The following GANC variants were observed in gnomAD, a reference collection of about 807,000 sequenced individuals.
The protein encoded by GANC is glucosidase alpha, neutral C.
In GANC, 117 loss-of-function variants were observed where a neutral mutation model predicts 124.2. The ratio of observed to expected loss-of-function variants is 0.94; its 90% CI spans 0.81 to 1.10. The LOEUF (loss-of-function observed/expected upper bound fraction) is 1.10, where lower values mean the gene tolerates loss of function less well. Ranked by LOEUF, GANC falls within the 50% of genes least tolerant of loss-of-function variation. The probability of loss-of-function intolerance (pLI) is 0.00; values close to 1 mark genes in which losing one functional copy is unlikely to be tolerated. For missense variants in GANC, 1,140 were observed against 1,095.0 expected (o/e 1.04, Z -0.58); for synonymous variants, 377 against 376.8 (o/e 1.00, Z -0.01).
At chr15:42,322,268 T>C (rs1379008451) in intron 11 of GANC, among the ~76,000 whole-genome samples, 1 of 152,204 alleles carries the variant, frequency 6.6e-6, no homozygotes, top group Non-Finnish European at 1.5e-5. Context: ...TCAGTTCCGT[T>C]TGTTGTGGCC....
chr15:42,353,468 C>A lies in GANC; in HGVS notation c.*1329C>A. The A allele has an allele frequency of 1.1e-6, 1 of 925,044 alleles. No homozygotes were observed. Among genetic ancestry groups the A allele is most frequent in the Non-Finnish European group, 1.3e-6 (1 of 775,178 alleles). 57.3% of individuals were successfully genotyped at this position (925,044 alleles called of 1,614,324 possible). Reference sequence around the variant, plus strand: ...TAATGCTGTCCCACTTATAACTGTGCTCTACTTAGCATTCTCAGGGATCAT... The same window carrying A: ...TAATGCTGTCCCACTTATAACTGTGATCTACTTAGCATTCTCAGGGATCAT... On this transcript the variant is annotated 3_prime_UTR_variant, in exon 24 of 24. Transcript: ENST00000318010.
intron 20 of GANC, among the ~76,000 whole-genome samples, chr15:42,347,356 G>A (rs945591951): frequency 1.3e-5 from 2 of 152,102 alleles, no homozygotes; most frequent in Non-Finnish European, 2.9e-5. Flanking sequence ...TCATTCTTGA[G>A]TCAGAGCAAA....
intron 3 of GANC, among the ~76,000 whole-genome samples, chr15:42,285,784 G>A (rs1042573530): frequency 4.6e-5 from 7 of 152,156 alleles, no homozygotes; most frequent in African/African-American, 7.2e-5. Context: ...GACCAAGCAA[G>A]ACTCCATCTC....
chr15:42,274,432 C>A lies in GANC; in HGVS notation c.-50C>A. 6.3e-7 allele frequency: 1 copy of A among 1,596,004 alleles called. No individual in the cohort carries two copies. The highest frequency in any genetic ancestry group is 2.2e-5 in the East Asian group (1 of 44,572). Reference sequence around the variant, plus strand: ...CAATCGGCTTTTTTAAAAGATCGCCCAGGGCCCTTGTCCTGAGAGCTGGGA... The same window carrying A: ...CAATCGGCTTTTTTAAAAGATCGCCAAGGGCCCTTGTCCTGAGAGCTGGGA... On this transcript the variant is annotated 5_prime_UTR_variant, in exon 1 of 24. Coordinates refer to ENST00000318010, the MANE Select transcript of GANC (RefSeq NM_198141.3).
At chr15:42,287,050 A>G (rs1224316156) in intron 3 of GANC, among the ~76,000 whole-genome samples, 1 of 152,176 alleles carries the variant, frequency 6.6e-6, no homozygotes, top group Non-Finnish European at 1.5e-5. Flanking sequence ...TATTATCTTC[A>G]TGATTCTACA....
At chr15:42,296,416 C>T (rs1253856961) in intron 5 of GANC, among the ~76,000 whole-genome samples, 1 of 152,022 alleles carries the variant, frequency 6.6e-6, no homozygotes, top group African/African-American at 2.4e-5. Flanking sequence ...GACGGAATTT[C>T]ACTCTTGTTG....
At chr15:42,334,782 G>C (rs2052271527) in intron 15 of GANC, among the ~76,000 whole-genome samples, 1 of 150,816 alleles carries the variant, frequency 6.6e-6, no homozygotes, top group African/African-American at 2.4e-5. Context: ...TAACAAAATA[G>C]ATAGACTGCT....
intron 22 of GANC, among the ~76,000 whole-genome samples, chr15:42,350,805 G>A (rs956275413): frequency 2.0e-4 from 30 of 148,676 alleles, no homozygotes; most frequent in African/African-American, 6.6e-4. Flanking sequence ...ATCCGCCCAC[G>A]TTGGCCTCCC....
In GANC at chr15:42,326,379, G is replaced by T. The variant is rs2052198774; in HGVS notation, c.1375G>T (p.Val459Leu). ...GAAGGCCAAAGATCAGGGCTTCTTTGTGAAGAATCAGGAAGGGGAAGACTT... is the reference window on the plus strand; with the variant it reads ...GAAGGCCAAAGATCAGGGCTTCTTTTTGAAGAATCAGGAAGGGGAAGACTT... ...YVKAKDQGFFVKNQEGEDFEG... is the reference protein window; with the variant it reads ...YVKAKDQGFFLKNQEGEDFEG... The change falls in exon 12 of 24, where the codon GTG (valine) becomes TTG (leucine). Residue 459 changes from valine to leucine, a missense_variant. Coordinates refer to ENST00000318010, the MANE Select transcript of GANC (RefSeq NM_198141.3). The T allele has an allele frequency of 1.9e-6, 3 of 1,614,006 alleles. No homozygotes were observed. Among genetic ancestry groups the T allele is most frequent in the Non-Finnish European group, 2.5e-6 (3 of 1,179,990 alleles).
intron 10 of GANC, chr15:42,314,605 A>G (rs896154717): frequency 1.0e-4 from 16 of 158,530 alleles, no homozygotes; most frequent in Admixed American, 1.9e-4. Flanking sequence ...TAATAAGGGT[A>G]TCAGACTGAT....
At chr15:42,346,160 G>GTTAA (rs777583362) in intron 20 of GANC, among the ~76,000 whole-genome samples, 2 of 152,112 alleles carry the variant, frequency 1.3e-5, no homozygotes, top group Non-Finnish European at 2.9e-5. Flanking sequence ...TTTAACCTTA[G>GTTAA]TTAACTCCAT....
At chr15:42,311,864 G>A (rs367998852) in intron 10 of GANC, among the ~76,000 whole-genome samples, 1 of 150,714 alleles carries the variant, frequency 6.6e-6, no homozygotes, top group Non-Finnish European at 1.5e-5. Flanking sequence ...AAAAAAATTA[G>A]TTCTGTTTCT....
At chr15:42,349,642 C>A in intron 22 of GANC, 147 bp downstream of exon 22, 1 of 603,066 alleles carries the variant, frequency 1.7e-6, no homozygotes, top group Non-Finnish European at 2.9e-6. Context: ...TTTTTCTTTT[C>A]TTTTCTTTTC....
chr15:42,273,415 T>G lies in GANC; in HGVS notation c.-1067T>G. The G allele has an allele frequency of 6.2e-7, 1 of 1,613,378 alleles. No homozygotes were observed. Among genetic ancestry groups the G allele is most frequent in the Non-Finnish European group, 8.5e-7 (1 of 1,179,840 alleles). ...CGCCGCCATCTTCACAGCCGTGGAGTGCCTACCGAAAGCATTTCACCCTCT... is the reference window on the plus strand; with the variant it reads ...CGCCGCCATCTTCACAGCCGTGGAGGGCCTACCGAAAGCATTTCACCCTCT... On this transcript the variant is annotated 5_prime_UTR_variant, in exon 1 of 24. Transcript: ENST00000318010.
intron 11 of GANC, among the ~76,000 whole-genome samples, chr15:42,322,998 A>G (rs907252399): frequency 6.6e-6 from 1 of 152,204 alleles, no homozygotes; most frequent in African/African-American, 2.4e-5. Context: ...GCCAGAGCCC[A>G]TCCAGTTAAC....
chr15:42,321,738 T>C (rs2052158929), intron 10 of GANC, 47 bp from the exon 11 acceptor site: 4 of 1,465,690 alleles, frequency 2.7e-6, no homozygotes, highest in South Asian at 1.1e-5. Context: ...AAATGAATAA[T>C]GGTCATTGCC....
chr15:42,342,539 A>C (rs1403424632), intron 18 of GANC, among the ~76,000 whole-genome samples: 2 of 151,968 alleles, frequency 1.3e-5, no homozygotes, highest in African/African-American at 4.8e-5. Flanking sequence ...CTGTGATTGC[A>C]CTGCTGCACT....
rs550611974 is a variant in GANC, at chr15:42,294,340, G to A, written c.512+1423G>A. The stretch of plus-strand genomic sequence containing the variant: ...TGTAACCCCAGCACTTTGGGAGGCC[G>A]AGGCAGGTGGATCACCTGAGGTCAG... On this transcript the variant is annotated intron_variant, in intron 5 of 23. Transcript: ENST00000318010. Among the ~76,000 whole-genome samples, 84 of 151,254 alleles carry A rather than the reference G, an allele frequency of 5.6e-4. 3 individuals are homozygous for A. The highest frequency in any genetic ancestry group is 1.7e-3 in the African/African-American group (70 of 40,692).
chr15:42,278,075 ACAGTG>A (rs2051693721), intron 2 of GANC: 1 of 375,582 alleles, frequency 2.7e-6, no homozygotes, highest in Non-Finnish European at 5.6e-6. Flanking sequence ...AGGGAAGTCT[ACAGTG>A]AATGCCTGGT....
Sources: gnomAD v4.1 joint callset for allele counts (sites outside exome capture counted in the v4.1 genomes callset) on GRCh38, gnomAD v4.1.1 for gene constraint, MANE v1.5 for transcripts, NCBI Gene and HGNC (gene_info 2026-07-23, HGNC 2026-07-21) for gene names.